The following MAP3K9 variants were observed in gnomAD, a reference collection of about 807,000 sequenced individuals.
MAP3K9 encodes mixed lineage kinase 1 (tyr and ser/thr specificity).
A neutral mutation model predicts 95.8 loss-of-function variants in MAP3K9; 46 were observed. The ratio of observed to expected loss-of-function variants is 0.48; its 90% CI spans 0.38 to 0.61. The LOEUF (loss-of-function observed/expected upper bound fraction) is 0.61. Among genes scored for constraint, MAP3K9 ranks in the 20% least tolerant of loss-of-function variants. The pLI is 0.00. For missense variants in MAP3K9, 1,296 were observed against 1,474.3 expected, an observed-to-expected ratio of 0.88 and a Z score of 1.98; for synonymous variants, 533 against 593.8, an observed-to-expected ratio of 0.90 and a Z score of 1.49.
chr14:70,799,798 C>G (rs543554154), intron 2 of MAP3K9, among the ~76,000 whole-genome samples: 33 of 152,306 alleles, frequency 2.2e-4, no homozygotes, highest in African/African-American at 7.9e-4. Flanking sequence ...ATGCTTCCCC[C>G]ACCCAAAGTC....
chr14:70,801,132 G>GT, intron 1 of MAP3K9, 52 bp from the exon 2 acceptor site: 1 of 1,529,784 alleles, frequency 6.5e-7, no homozygotes, highest in Non-Finnish European at 8.9e-7. Context: ...TGAAAACATC[G>GT]TATTTAACCT....
intron 5 of MAP3K9, among the ~76,000 whole-genome samples, chr14:70,743,692 A>G (rs1258288267): frequency 6.6e-6 from 1 of 152,240 alleles, no homozygotes. Context: ...TGATCAGTAA[A>G]AAGTCAGAAA....
intron 2 of MAP3K9, among the ~76,000 whole-genome samples, chr14:70,783,056 T>C (rs893564242): frequency 4.6e-5 from 7 of 152,304 alleles, no homozygotes; most frequent in African/African-American, 1.7e-4. Flanking sequence ...ATATCTTATT[T>C]TTCCTCAGTG....
At chr14:70,771,292 T>C (rs906407173) in intron 2 of MAP3K9, among the ~76,000 whole-genome samples, 1 of 152,156 alleles carries the variant, frequency 6.6e-6, no homozygotes, top group African/African-American at 2.4e-5. Context: ...TTTTGTTTTC[T>C]TGGGGTAGGG....
At chr14:70,788,176 T>C (rs2054768481) in intron 2 of MAP3K9, among the ~76,000 whole-genome samples, 1 of 152,224 alleles carries the variant, frequency 6.6e-6, no homozygotes, top group Non-Finnish European at 1.5e-5. Flanking sequence ...TACCCATGTG[T>C]ATCCACTACA....
rs2053782064 is a variant in MAP3K9 at position 70,723,652 on chromosome 14, T to C, written c.*6728A>G. The C allele has an allele frequency of 1.3e-5, 2 of 152,162 alleles. No homozygotes were observed. Among genetic ancestry groups the C allele is most frequent in the Non-Finnish European group, 2.9e-5 (2 of 68,044 alleles). The allele number at this position is 152,162 out of a possible 1,614,324, so 9.4% of individuals were successfully genotyped here. A position where few individuals can be genotyped will look rare whatever the true frequency, so the allele number is the denominator to read the frequency against. Reference sequence around the variant, plus strand: ...AACTTGCTTCCTAGCTGTGTGACCCTGGGCAAATTACAGAGCCATCAGAGC... The same window carrying C: ...AACTTGCTTCCTAGCTGTGTGACCCCGGGCAAATTACAGAGCCATCAGAGC... On this transcript the variant is annotated 3_prime_UTR_variant, in exon 12 of 12. Coordinates refer to ENST00000554752, the MANE Select transcript of MAP3K9 (RefSeq NM_001284230.2).
At chr14:70,765,740 AAAAAAAAAAAC>A (rs2054442608) in intron 2 of MAP3K9, among the ~76,000 whole-genome samples, 5 of 57,078 alleles carry the variant, frequency 8.8e-5, no homozygotes, top group East Asian at 7.3e-4. Flanking sequence ...ACAGCTAAAA[AAAAAAAAAAAC>A]AAAAAAAAAC....
chr14:70,735,001 A>T (rs776833664), intron 9 of MAP3K9, among the ~76,000 whole-genome samples: 1 of 152,246 alleles, frequency 6.6e-6, no homozygotes, highest in Non-Finnish European at 1.5e-5. Flanking sequence ...TGGCATGCTT[A>T]GGCAACTTTC....
chr14:70,725,915 G>C lies in MAP3K9; in HGVS notation c.*4465C>G, dbSNP rs1266364306. On this transcript the variant is annotated 3_prime_UTR_variant, in exon 12 of 12. Coordinates refer to ENST00000554752, the MANE Select transcript of MAP3K9 (RefSeq NM_001284230.2). ...TTTCTGTGCAGGACTCATGGCCCCAGGACCATACATTTGAAAGTTAGAAGG... is the reference window on the plus strand; with the variant it reads ...TTTCTGTGCAGGACTCATGGCCCCACGACCATACATTTGAAAGTTAGAAGG... The C allele has an allele frequency of 6.6e-6, 1 of 152,204 alleles. No individual in the cohort carries two copies. Among genetic ancestry groups the C allele is most frequent in the Non-Finnish European group, 1.5e-5 (1 of 68,088 alleles). 9.4% of individuals were successfully genotyped at this position (152,204 alleles called of 1,614,324 possible).
At chr14:70,731,395 G>A (rs536362267) in intron 11 of MAP3K9, among the ~76,000 whole-genome samples, 7 of 152,138 alleles carry the variant, frequency 4.6e-5, no homozygotes, top group Non-Finnish European at 8.8e-5. Context: ...GCTGCAGTGA[G>A]CTGTGATCAC....
At position 70,726,726 on chromosome 14, in the gene MAP3K9, A is replaced by C. The variant is rs58676098; in HGVS notation, c.*3654T>G. On this transcript the variant is annotated 3_prime_UTR_variant, in exon 12 of 12. Coordinates refer to ENST00000554752, the MANE Select transcript of MAP3K9 (RefSeq NM_001284230.2). ...CCTCTTCCAGAAGCCAAAGGACGAA[A>C]GAAAAGGCAAGTTCCCTCAAGGCAA... 0.026 allele frequency: 3,941 copies of C among 152,450 alleles called. 184 individuals carry two copies. Among genetic ancestry groups the C allele is most frequent in the African/African-American group, 0.089 (3,721 of 41,576 alleles). The allele number at this position is 152,450 out of a possible 1,614,324, so 9.4% of individuals were successfully genotyped here.
At chr14:70,807,966 C>T (rs989193495) in intron 1 of MAP3K9, among the ~76,000 whole-genome samples, 3 of 152,094 alleles carry the variant, frequency 2.0e-5, no homozygotes, top group Non-Finnish European at 4.4e-5. Flanking sequence ...CAAAGATAGG[C>T]AAGGATCTAG....
At chr14:70,794,897 T>A (rs2054845452) in intron 2 of MAP3K9, among the ~76,000 whole-genome samples, 1 of 151,646 alleles carries the variant, frequency 6.6e-6, no homozygotes, top group South Asian at 2.1e-4. Context: ...CAGGATGGTC[T>A]CGATCTCCTG....
At chr14:70,790,812 C>T (rs1318212680) in intron 2 of MAP3K9, among the ~76,000 whole-genome samples, 1 of 152,180 alleles carries the variant, frequency 6.6e-6, no homozygotes, top group Admixed American at 6.5e-5. Context: ...CTACATTTTT[C>T]TCCTGACTCA....
intron 3 of MAP3K9, among the ~76,000 whole-genome samples, chr14:70,756,064 A>T (rs1313129815): frequency 6.6e-6 from 1 of 152,216 alleles, no homozygotes; most frequent in African/African-American, 2.4e-5. Flanking sequence ...CCTAGAGGTT[A>T]GTCTTACAAC....
Position 70,727,630 on chromosome 14 carries a change from A to G in MAP3K9, c.*2750T>C, listed in dbSNP as rs1479451682. ...CTATACAGATCCTTAGCCCATCTCC[A>G]ACCTTGCCCCACTGAGAGAGTGCAG... On this transcript the variant is annotated 3_prime_UTR_variant, in exon 12 of 12. Transcript: ENST00000554752. 6.6e-6 allele frequency: 1 copy of G among 152,292 alleles called. No homozygotes were observed. Among genetic ancestry groups the G allele is most frequent in the Non-Finnish European group, 1.5e-5 (1 of 68,100 alleles). The allele number at this position is 152,292 out of a possible 1,614,324, so 9.4% of individuals were successfully genotyped here. A position where few individuals can be genotyped will look rare whatever the true frequency, so the allele number is the denominator to read the frequency against.
Position 70,732,719 on chromosome 14 carries a change from G to C in MAP3K9, c.2650C>G (p.Arg884Gly), listed in dbSNP as rs563264687. Residue 884 changes from arginine to glycine, a missense_variant, in exon 11 of 12, where the codon CGA becomes GGA. By Grantham distance (125) the Arg-to-Gly change is moderately radical (BLOSUM62 -2). Around this residue, in one of 5 missense-constraint regions of MAP3K9, gnomAD observed 433 missense variants for 441.4 expected, o/e 0.98. Coordinates refer to ENST00000554752, the MANE Select transcript of MAP3K9 (RefSeq NM_001284230.2). ...PCTHNPLVNV[R>G]VERFKRDPNQ... ...GGATCTCGTTTGAAGCGCTCTACTC[G>C]GACATTGACCAGGGGGTTGTGGGTA... is the stretch of plus-strand genomic sequence containing the variant. 7 of 1,602,700 alleles carry C rather than the reference G, an allele frequency of 4.4e-6. No homozygotes were observed. In the African/African-American group the frequency reaches 9.4e-5, roughly 21 times the overall value.
Position 70,729,476 on chromosome 14 carries a change from C to T in MAP3K9, c.*904G>A, listed in dbSNP as rs1320923387. On this transcript the variant is annotated 3_prime_UTR_variant, in exon 12 of 12. Transcript: ENST00000554752. The stretch of plus-strand genomic sequence containing the variant: ...AAAGGAACAGACAGTGGAATTTTGT[C>T]TCTGACTTAGAACTGGCACCAGTGA... 2.0e-5 allele frequency: 3 copies of T among 152,158 alleles called. No homozygotes were observed. Among genetic ancestry groups the T allele is most frequent in the African/African-American group, 7.2e-5 (3 of 41,432 alleles). 9.4% of individuals were successfully genotyped at this position (152,158 alleles called of 1,614,324 possible).
At position 70,800,751 on chromosome 14, in the gene MAP3K9, C is replaced by T. The variant is rs202244940; in HGVS notation, c.736G>A (p.Ala246Thr). 40 of 1,614,170 alleles carry T rather than the reference C, an allele frequency of 2.5e-5. No individual in the cohort carries two copies. The highest frequency in any genetic ancestry group is 5.0e-5 in the Admixed American group (3 of 60,022). Residue 246 changes from alanine to threonine, a missense_variant, in exon 2 of 12, where the codon GCT becomes ACT. Physicochemically the swap from Ala to Thr is moderately conservative, Grantham distance 58 (BLOSUM62 0). Coordinates refer to ENST00000554752, the MANE Select transcript of MAP3K9 (RefSeq NM_001284230.2). ...RIPPDILVNWAVQIARGMNYL... is the reference protein window; with the variant it reads ...RIPPDILVNWTVQIARGMNYL... Reference sequence around the variant, plus strand: ...TTCATCCCTCTGGCAATCTGCACAGCCCAATTCACCAGGATGTCTGGGGGA... The same window carrying T: ...TTCATCCCTCTGGCAATCTGCACAGTCCAATTCACCAGGATGTCTGGGGGA...
Sources: allele counts gnomAD v4.1 joint callset (sites outside exome capture counted in the v4.1 genomes callset), GRCh38; gene constraint gnomAD v4.1.1; regional missense constraint gnomAD v4.1.1; transcripts MANE v1.5; gene names NCBI Gene and HGNC (gene_info 2026-07-23, HGNC 2026-07-21).